The following TMCO6 variants were observed in gnomAD, a reference collection of about 807,000 sequenced individuals.
TMCO6 encodes the protein transmembrane and coiled-coil domain-containing protein 6.
In TMCO6, 47 loss-of-function variants were observed where a neutral mutation model predicts 61.8. The ratio of observed to expected loss-of-function variants is 0.76; its 90% CI spans 0.60 to 0.97. TMCO6 has a LOEUF of 0.97. TMCO6 is among the 50% of genes least tolerant of loss of function. TMCO6 has a pLI of 0.00. For missense variants in TMCO6, 557 were observed against 601.6 expected (o/e 0.93, Z 0.78); for synonymous variants, 261 against 254.2 (o/e 1.03, Z -0.25).
At chr5:140,631,408 AG>A in the TMCO6 span, among the ~76,000 whole-genome samples, 2 of 152,176 alleles carry the variant, frequency 1.3e-5, no homozygotes, top group Admixed American at 1.3e-4. Context: ...TACCTTTGAA[AG>A]GGAGCAGCTG....
chr5:140,643,914 G>C lies in TMCO6; in HGVS notation c.1053G>C (p.Gln351His), dbSNP rs371814350. ...TTATCCTTCTGCAGTTCTTTTTCCA[G>C]AAACAGCCCAGTCTGCTCCCTGAGG... ...ALFILLQFFF[Q>H]KQPSLLPEGL... Residue 351 changes from glutamine to histidine, a missense_variant, in exon 9 of 12, where the codon CAG becomes CAC. Gln to His is a conservative substitution (Grantham distance 24). Coordinates refer to ENST00000394671, the MANE Select transcript of TMCO6 (RefSeq NM_018502.5). 3 of 1,614,204 alleles carry C rather than the reference G, an allele frequency of 1.9e-6. No individual in the cohort carries two copies. Among genetic ancestry groups the C allele is most frequent in the Non-Finnish European group, 1.7e-6 (2 of 1,180,042 alleles).
chr5:140,647,170 T>C (rs1757449350), downstream of TMCO6: 1 of 1,399,858 alleles, frequency 7.1e-7, no homozygotes, highest in East Asian at 2.4e-5. Context: ...TCTCCACGGG[T>C]TTCTGCACGA....
At chr5:140,619,126 A>G in the TMCO6 span, among the ~76,000 whole-genome samples, 7 of 152,354 alleles carry the variant, frequency 4.6e-5, no homozygotes, top group East Asian at 1.2e-3. Context: ...CTCAACAATA[A>G]AAAACAAGCA....
downstream of TMCO6, chr5:140,645,594 T>TTA (rs1561962369): frequency 1.2e-6 from 2 of 1,614,148 alleles, no homozygotes; most frequent in Admixed American, 3.3e-5. Flanking sequence ...GCTTCAGGCT[T>TTA]TACCACTTAG....
the TMCO6 span, among the ~76,000 whole-genome samples, chr5:140,623,754 A>T: frequency 2.4e-4 from 37 of 152,018 alleles, 2 homozygotes; most frequent in South Asian, 6.9e-3. Context: ...AAAACATTTT[A>T]AAAAAATAGA....
chr5:140,602,158 C>A, the TMCO6 span, among the ~76,000 whole-genome samples: 3 of 152,166 alleles, frequency 2.0e-5, no homozygotes, highest in African/African-American at 7.2e-5. Flanking sequence ...CTTACTCACA[C>A]CTCCAAGGCT....
chr5:140,611,593 T>C, the TMCO6 span, among the ~76,000 whole-genome samples: 2 of 152,346 alleles, frequency 1.3e-5, no homozygotes, highest in African/African-American at 2.4e-5. Flanking sequence ...ATGACAGTGC[T>C]CCTGCTCTGT....
At chr5:140,626,655 A>G in the TMCO6 span, among the ~76,000 whole-genome samples, 140 of 152,232 alleles carry the variant, frequency 9.2e-4, no homozygotes, top group Non-Finnish European at 1.1e-3. Flanking sequence ...TTTTTGAAAC[A>G]GAGTCTCACT....
the TMCO6 span, among the ~76,000 whole-genome samples, chr5:140,624,343 A>C: frequency 6.6e-6 from 1 of 151,660 alleles, no homozygotes. Flanking sequence ...CAGCCTGGGT[A>C]ACAGAGTGAG....
chr5:140,620,289 T>C, the TMCO6 span, among the ~76,000 whole-genome samples: 1,932 of 152,294 alleles, frequency 0.013, 44 homozygotes, highest in African/African-American at 0.045. Context: ...TAATACATAC[T>C]GTGTAATTCC....
the TMCO6 span, among the ~76,000 whole-genome samples, chr5:140,613,917 GAGA>G: frequency 6.7e-6 from 1 of 148,386 alleles, no homozygotes; most frequent in East Asian, 2.0e-4. Flanking sequence ...TTGTTGTTTT[GAGA>G]AGGAGTCTCA....
chr5:140,625,682 C>T, the TMCO6 span, among the ~76,000 whole-genome samples: 1 of 152,194 alleles, frequency 6.6e-6, no homozygotes, highest in East Asian at 1.9e-4. Context: ...GAACTTTTGT[C>T]GCTTTGCTCA....
At chr5:140,627,973 ATTG>A in the TMCO6 span, among the ~76,000 whole-genome samples, 381 of 151,606 alleles carry the variant, frequency 2.5e-3, 1 homozygote, top group African/African-American at 8.7e-3. Context: ...GGGAGCAGAT[ATTG>A]TTGTTGAGGA....
chr5:140,635,317 G>A (rs535965234), upstream of TMCO6, among the ~76,000 whole-genome samples: 2 of 152,218 alleles, frequency 1.3e-5, no homozygotes, highest in Admixed American at 6.5e-5. Context: ...CCAGCTTTAC[G>A]ACTGAGGTTA....
At chr5:140,621,666 G>A in the TMCO6 span, among the ~76,000 whole-genome samples, 1 of 152,214 alleles carries the variant, frequency 6.6e-6, no homozygotes, top group African/African-American at 2.4e-5. Flanking sequence ...GGTGAGCCGG[G>A]TGGAACAGAG....
upstream of TMCO6, chr5:140,639,147 T>G: frequency 5.1e-6 from 1 of 197,430 alleles, no homozygotes; most frequent in Non-Finnish European, 1.1e-5. Context: ...TCGGGATTGT[T>G]TTGAACTTTC....
the TMCO6 span, among the ~76,000 whole-genome samples, chr5:140,627,909 A>C: frequency 6.6e-6 from 1 of 152,158 alleles, no homozygotes; most frequent in East Asian, 1.9e-4. Flanking sequence ...AAATAAAAAA[A>C]ACAAGTAACA....
At chr5:140,628,045 G>A in the TMCO6 span, among the ~76,000 whole-genome samples, 28,806 of 143,304 alleles carry the variant, frequency 0.2, 3,347 homozygotes, top group East Asian at 0.3. Context: ...TTTCACTCTT[G>A]TTGCCCACGC....
chr5:140,644,499 A>G, intron 10 of TMCO6, 74 bp from the exon 11 acceptor site: 2 of 1,554,368 alleles, frequency 1.3e-6, no homozygotes, highest in Non-Finnish European at 8.8e-7. Flanking sequence ...TGTGGTCACC[A>G]TGTCATATAT....
Sources: allele counts gnomAD v4.1 joint callset (sites outside exome capture counted in the v4.1 genomes callset), GRCh38; gene constraint gnomAD v4.1.1; transcripts MANE v1.5; gene names NCBI Gene and HGNC (gene_info 2026-07-23, HGNC 2026-07-21).